QTMAN: variants seen among roughly 807,000 people sequenced by gnomAD.
QTMAN encodes the protein queuosine-tRNA mannosyltransferase, also known as tRNA-queuosine alpha-mannosyltransferase.
At chr2:144,056,019 G>T in the QTMAN span, among the ~76,000 whole-genome samples, 9 of 152,108 alleles carry the variant, frequency 5.9e-5, no homozygotes, top group Non-Finnish European at 1.3e-4. Flanking sequence ...CACCTGCTTC[G>T]GATGGTTATT....
chr2:144,063,200 C>T, the QTMAN span, among the ~76,000 whole-genome samples: 1 of 152,136 alleles, frequency 6.6e-6, no homozygotes, highest in African/African-American at 2.4e-5. Context: ...GATGACAGGG[C>T]TGGATTAAGT....
the QTMAN span, among the ~76,000 whole-genome samples, chr2:144,147,162 G>A: frequency 6.6e-6 from 1 of 151,612 alleles, no homozygotes; most frequent in African/African-American, 2.4e-5. Flanking sequence ...GAATTCAAGT[G>A]TCTTCTTCAC....
the QTMAN span, among the ~76,000 whole-genome samples, chr2:144,221,669 A>G: frequency 6.6e-6 from 1 of 152,202 alleles, no homozygotes; most frequent in Non-Finnish European, 1.5e-5. Flanking sequence ...AGGAGGCCAA[A>G]TTGTTTGATA....
the QTMAN span, among the ~76,000 whole-genome samples, chr2:144,035,272 G>A: frequency 6.6e-6 from 1 of 152,098 alleles, no homozygotes; most frequent in South Asian, 2.1e-4. Context: ...CCCCAGCCAT[G>A]CTTCCTGTAC....
the QTMAN span, among the ~76,000 whole-genome samples, chr2:144,329,680 T>A: frequency 6.6e-6 from 1 of 152,214 alleles, no homozygotes; most frequent in East Asian, 1.9e-4. Flanking sequence ...GTGTGAAGTT[T>A]CTTCTCCCAA....
chr2:144,145,738 TCC>T, the QTMAN span: 1 of 1,606,052 alleles, frequency 6.2e-7, no homozygotes, highest in Non-Finnish European at 8.5e-7. Flanking sequence ...GCAAAGAGGG[TCC>T]TAGGAAACAA....
the QTMAN span, among the ~76,000 whole-genome samples, chr2:144,131,269 C>T: frequency 6.6e-6 from 1 of 151,754 alleles, no homozygotes; most frequent in African/African-American, 2.4e-5. Context: ...TTCTCAATTC[C>T]AATAGCACAG....
the QTMAN span, among the ~76,000 whole-genome samples, chr2:144,189,712 C>T: frequency 4.6e-5 from 7 of 151,966 alleles, no homozygotes; most frequent in East Asian, 1.9e-4. Context: ...CTCCGCCTCC[C>T]GGGTTCAAGC....
At chr2:144,041,642 A>T in the QTMAN span, among the ~76,000 whole-genome samples, 1 of 152,352 alleles carries the variant, frequency 6.6e-6, no homozygotes, top group Non-Finnish European at 1.5e-5. Flanking sequence ...CGCACTGATA[A>T]AATGTGTCCT....
chr2:144,120,314 G>A, the QTMAN span, among the ~76,000 whole-genome samples: 729 of 152,166 alleles, frequency 4.8e-3, 8 homozygotes, highest in African/African-American at 0.017. Context: ...CTTAAAATCT[G>A]TAGTGCCTCA....
chr2:144,184,412 G>A, the QTMAN span, among the ~76,000 whole-genome samples: 1 of 152,042 alleles, frequency 6.6e-6, no homozygotes, highest in African/African-American at 2.4e-5. Context: ...AATTCCTTAA[G>A]TGTCAGTTTC....
At chr2:144,102,318 T>C in the QTMAN span, among the ~76,000 whole-genome samples, 1 of 152,248 alleles carries the variant, frequency 6.6e-6, no homozygotes, top group South Asian at 2.1e-4. Context: ...GCCCTGCTGA[T>C]GTCATCAAAT....
the QTMAN span, among the ~76,000 whole-genome samples, chr2:143,986,038 A>G: frequency 6.6e-6 from 1 of 152,168 alleles, no homozygotes; most frequent in Non-Finnish European, 1.5e-5. Context: ...TTCATCTGCT[A>G]ATTGGGTTCT....
chr2:144,148,426 A>G, the QTMAN span, among the ~76,000 whole-genome samples: 14 of 151,814 alleles, frequency 9.2e-5, no homozygotes, highest in Admixed American at 6.6e-4. Flanking sequence ...GATTTCATGG[A>G]GCAAGGCATT....
chr2:144,174,853 T>A, the QTMAN span, among the ~76,000 whole-genome samples: 2 of 152,290 alleles, frequency 1.3e-5, no homozygotes, highest in East Asian at 1.9e-4. Context: ...CTCTTTTTCT[T>A]TATAAATTAC....
chr2:144,077,827 T>A, the QTMAN span, among the ~76,000 whole-genome samples: 1 of 152,216 alleles, frequency 6.6e-6, no homozygotes, highest in African/African-American at 2.4e-5. Flanking sequence ...TAAGCAATTT[T>A]AACAATGATT....
At chr2:144,066,708 T>C in the QTMAN span, among the ~76,000 whole-genome samples, 2 of 152,166 alleles carry the variant, frequency 1.3e-5, no homozygotes, top group Non-Finnish European at 2.9e-5. Context: ...TCCAGCTACT[T>C]GGGAGGCTGA....
the QTMAN span, among the ~76,000 whole-genome samples, chr2:144,310,176 A>G: frequency 1.3e-5 from 2 of 152,224 alleles, no homozygotes; most frequent in Admixed American, 6.5e-5. Context: ...AGATTAGGGA[A>G]TAAGTTAAGC....
chr2:144,130,945 G>A, the QTMAN span, among the ~76,000 whole-genome samples: 4 of 151,876 alleles, frequency 2.6e-5, no homozygotes, highest in African/African-American at 7.2e-5. Context: ...ACAAAGAGAA[G>A]AGTAATTCAA....
Sources: gnomAD v4.1 joint callset for allele counts (sites outside exome capture counted in the v4.1 genomes callset) on GRCh38, gnomAD v4.1.1 for gene constraint, MANE v1.5 for transcripts, NCBI Gene and HGNC (gene_info 2026-07-23, HGNC 2026-07-21) for gene names.